KCNK9: variants seen among roughly 807,000 people sequenced by gnomAD.
KCNK9 encodes potassium channel subfamily K member 9.
In KCNK9, 1 loss-of-function variant was observed where a neutral mutation model predicts 10.8. That is an observed-to-expected ratio of 0.09 (90% CI 0.03 to 0.44). The LOEUF (loss-of-function observed/expected upper bound fraction) is 0.44, where lower values mean the gene tolerates loss of function less well. KCNK9 is among the 20% of genes least tolerant of loss of function. KCNK9 has a pLI of 0.97. For synonymous variants in KCNK9, 231 were observed against 222.7 expected, an observed-to-expected ratio of 1.04 and a Z score of -0.33; for missense variants, 303 against 515.0, an observed-to-expected ratio of 0.59 and a Z score of 3.98.
intron 1 of KCNK9, among the ~76,000 whole-genome samples, chr8:139,633,874 G>C (rs943547806): frequency 6.6e-6 from 1 of 152,236 alleles, no homozygotes; most frequent in African/African-American, 2.4e-5. Context: ...CTCCCTAAAG[G>C]CGGGGGCCTC....
intron 1 of KCNK9, among the ~76,000 whole-genome samples, chr8:139,652,445 A>C (rs1030134744): frequency 1.3e-5 from 2 of 152,102 alleles, no homozygotes; most frequent in African/African-American, 4.8e-5. Context: ...ACACCTGGTC[A>C]CCCTGAGGCA....
chr8:139,678,760 C>A (rs1020160287), intron 1 of KCNK9, among the ~76,000 whole-genome samples: 1 of 152,240 alleles, frequency 6.6e-6, no homozygotes, highest in Admixed American at 6.5e-5. Flanking sequence ...AAGGCCATCA[C>A]TGGGCCCCTG....
Position 139,642,708 on chromosome 8 carries a change from C to T in KCNK9, c.284-23609G>A, listed in dbSNP as rs562782145. 9.2e-5 allele frequency among the ~76,000 whole-genome samples: 14 copies of T among 152,330 alleles called. No individual in the cohort carries two copies. The South Asian group carries it at 2.7e-3, about 29-fold the overall frequency. On this transcript the variant is annotated intron_variant, in intron 1 of 1. Coordinates refer to ENST00000520439, the MANE Select transcript of KCNK9 (RefSeq NM_001282534.2). ...CTGCACCCAGTCCTGGGGAAGGAGC[C>T]GTGGATGGGCCCTCCAGCCCCCACA... is the stretch of plus-strand genomic sequence containing the variant.
intron 1 of KCNK9, among the ~76,000 whole-genome samples, chr8:139,687,741 A>T (rs1182504219): frequency 6.7e-6 from 1 of 148,750 alleles, no homozygotes; most frequent in Non-Finnish European, 1.5e-5. Flanking sequence ...AATATAATTA[A>T]CCCCCAGATA....
At chr8:139,652,238 T>C (rs533637150) in intron 1 of KCNK9, among the ~76,000 whole-genome samples, 2 of 152,018 alleles carry the variant, frequency 1.3e-5, no homozygotes, top group Non-Finnish European at 2.9e-5. Flanking sequence ...AGACACTGAG[T>C]TCCCCTCCCA....
At chr8:139,641,530 G>A (rs945203936) in intron 1 of KCNK9, among the ~76,000 whole-genome samples, 49 of 152,136 alleles carry the variant, frequency 3.2e-4, no homozygotes, top group African/African-American at 1.1e-3. Context: ...GGACAGCGTC[G>A]ATGACCGGAG....
chr8:139,626,210 T>TC (rs1814967432), intron 1 of KCNK9, among the ~76,000 whole-genome samples: 1 of 151,986 alleles, frequency 6.6e-6, no homozygotes, highest in Non-Finnish European at 1.5e-5. Context: ...GCTCCCCATG[T>TC]CCCCCCTGGC....
At chr8:139,689,643 A>ATTT (rs35831003) in intron 1 of KCNK9, among the ~76,000 whole-genome samples, 11 of 134,114 alleles carry the variant, frequency 8.2e-5, no homozygotes, top group East Asian at 2.3e-4. Flanking sequence ...CTTTGCCATC[A>ATTT]TTTTTTTTTT....
At chr8:139,636,115 GC>G (rs1815331581) in intron 1 of KCNK9, among the ~76,000 whole-genome samples, 1 of 152,138 alleles carries the variant, frequency 6.6e-6, no homozygotes, top group Non-Finnish European at 1.5e-5. Context: ...CAGGATTTGG[GC>G]TGGGCATTGC....
intron 1 of KCNK9, among the ~76,000 whole-genome samples, chr8:139,682,646 G>A (rs1210217147): frequency 6.6e-6 from 1 of 152,226 alleles, no homozygotes; most frequent in East Asian, 1.9e-4. Context: ...GGTAAGCAAT[G>A]TATTGCAGGC....
At chr8:139,608,319 C>G (rs1814301115), downstream of KCNK9, among the ~76,000 whole-genome samples, 1 of 152,174 alleles carries the variant, frequency 6.6e-6, no homozygotes, top group Admixed American at 6.5e-5. Context: ...GGGCAGATTC[C>G]CACCCAGTGT....
chr8:139,702,531 A>G lies in KCNK9; in HGVS notation c.283+179T>C, dbSNP rs1817252408. 6.6e-6 allele frequency among the ~76,000 whole-genome samples: 1 copy of G among 151,970 alleles called. No individual in the cohort carries two copies. Among genetic ancestry groups the G allele is most frequent in the Non-Finnish European group, 1.5e-5 (1 of 67,938 alleles). On this transcript the variant is annotated intron_variant, in intron 1 of 1. Coordinates refer to ENST00000520439, the MANE Select transcript of KCNK9 (RefSeq NM_001282534.2). The surrounding 1 kb of genome is among the most constrained non-coding windows in gnomAD (Gnocchi z 7.5). ...CACCGGGTGGGGTCCCCGAAGGGTG[A>G]GGCTCGGAGGCGCCGCGGAGGGGGG...
chr8:139,698,789 A>T (rs1481697676), intron 1 of KCNK9, among the ~76,000 whole-genome samples: 1 of 152,202 alleles, frequency 6.6e-6, no homozygotes, highest in Non-Finnish European at 1.5e-5. Context: ...AAAATGGAAA[A>T]TGCTGTCTGT....
In KCNK9 at chr8:139,687,449, C is replaced by CATATATATTCATATATATGTGTAT. The variant is rs1563751793; in HGVS notation, c.283+15260_283+15261insATACACATATATATGAATATATAT. Among the ~76,000 whole-genome samples the CATATATATTCATATATATGTGTAT allele has an allele frequency of 7.5e-4, 41 of 54,530 alleles. 13 individuals carry two copies. The highest frequency in any genetic ancestry group is 1.4e-3 in the African/African-American group (20 of 14,482). The allele number at this position is 54,530 out of a possible 152,430, so 35.8% of individuals were successfully genotyped here. ...ACATATATATTCATATATATGTATA[C>CATATATATTCATATATATGTGTAT]ACATATATATTCATATATTCATATA... On this transcript the variant is annotated intron_variant, in intron 1 of 1. Transcript: ENST00000520439.
At chr8:139,653,608 C>T (rs1815933225) in intron 1 of KCNK9, among the ~76,000 whole-genome samples, 1 of 152,140 alleles carries the variant, frequency 6.6e-6, no homozygotes. Context: ...AGGTCCAGCC[C>T]CACCCCTTCC....
At chr8:139,625,720 A>G (rs1429199951) in intron 1 of KCNK9, among the ~76,000 whole-genome samples, 2 of 139,376 alleles carry the variant, frequency 1.4e-5, no homozygotes, top group Non-Finnish European at 3.0e-5. Flanking sequence ...TGGCTAACAA[A>G]ACAGGAAAAA....
chr8:139,700,019 G>A (rs1043914002), intron 1 of KCNK9, among the ~76,000 whole-genome samples: 3 of 152,150 alleles, frequency 2.0e-5, no homozygotes, highest in African/African-American at 7.2e-5. Flanking sequence ...CTTGGAGGGC[G>A]AGGCTTGGGG....
At chr8:139,623,723 G>T (rs567095310) in intron 1 of KCNK9, among the ~76,000 whole-genome samples, 11 of 152,232 alleles carry the variant, frequency 7.2e-5, no homozygotes, top group Admixed American at 3.3e-4. Context: ...AGAGGTGGCA[G>T]AATCTCAGAA....
intron 1 of KCNK9, among the ~76,000 whole-genome samples, chr8:139,626,331 CT>C (rs1347452257): frequency 2.6e-5 from 4 of 152,176 alleles, no homozygotes; most frequent in Non-Finnish European, 4.4e-5. Context: ...AGAGCAGGGC[CT>C]TTACCTCCTG....
Sources: gnomAD v4.1 joint callset for allele counts (sites outside exome capture counted in the v4.1 genomes callset) on GRCh38, gnomAD v4.1.1 for gene constraint, Gnocchi (gnomAD v3.1) non-coding constraint, MANE v1.5 for transcripts, NCBI Gene and HGNC (gene_info 2026-07-23, HGNC 2026-07-21) for gene names.